Variants in OPCML observed in about 807,000 individuals in gnomAD.
OPCML encodes opioid-binding protein/cell adhesion molecule.
Under a neutral mutation model 37.8 loss-of-function variants are expected in OPCML, and 13 were observed. The observed-to-expected ratio is 0.34, with a 90% CI of 0.22 to 0.55. OPCML has a LOEUF of 0.55. Among genes scored for constraint, OPCML ranks in the 20% least tolerant of loss-of-function variants. OPCML has a pLI of 0.91. For missense variants in OPCML, 341 were observed against 435.6 expected (o/e 0.78, Z 1.93); for synonymous variants, 176 against 168.8 (o/e 1.04, Z -0.33).
intron 1 of OPCML, among the ~76,000 whole-genome samples, chr11:133,218,710 G>A (rs1030343184): frequency 1.3e-5 from 2 of 152,092 alleles, no homozygotes; most frequent in South Asian, 2.1e-4. Context: ...CTGGACACAC[G>A]GTGTGATTAG....
At chr11:132,884,494 T>C (rs931003041) in intron 2 of OPCML, among the ~76,000 whole-genome samples, 2 of 152,216 alleles carry the variant, frequency 1.3e-5, no homozygotes, top group Admixed American at 1.3e-4. Context: ...GTTTCTTTAT[T>C]TGACTAGATC....
chr11:133,353,298 C>T (rs2136696825), intron 1 of OPCML, among the ~76,000 whole-genome samples: 1 of 152,170 alleles, frequency 6.6e-6, no homozygotes, highest in African/African-American at 2.4e-5. Context: ...TCCCAAGTAG[C>T]TGGGACTACA....
At chr11:132,639,560 G>A (rs556158745) in intron 3 of OPCML, among the ~76,000 whole-genome samples, 58 of 152,242 alleles carry the variant, frequency 3.8e-4, no homozygotes, top group African/African-American at 1.2e-3. Context: ...TCCTGAATCC[G>A]AACACAATCC....
intron 1 of OPCML, among the ~76,000 whole-genome samples, chr11:133,042,864 C>G (rs139370192): frequency 3.2e-3 from 484 of 152,154 alleles, no homozygotes; most frequent in African/African-American, 0.011. Flanking sequence ...ACACCCGAGA[C>G]GCCTCCTCTA....
At chr11:133,301,181 A>T (rs1198007584) in intron 1 of OPCML, 1 of 152,190 alleles carries the variant, frequency 6.6e-6, no homozygotes, top group Non-Finnish European at 1.5e-5. Context: ...GTTTGGTGAT[A>T]AACTATATAG....
At chr11:133,440,852 C>A (rs1261092017) in intron 1 of OPCML, among the ~76,000 whole-genome samples, 1 of 144,184 alleles carries the variant, frequency 6.9e-6, no homozygotes, top group Admixed American at 7.0e-5. Flanking sequence ...TATATGATTT[C>A]TATTAGAGCT....
chr11:132,422,511 G>C (rs114206840), intron 7 of OPCML, among the ~76,000 whole-genome samples: 1 of 152,196 alleles, frequency 6.6e-6, no homozygotes, highest in Non-Finnish European at 1.5e-5. Context: ...ATGAAAGGGA[G>C]ACTTAGCAGG....
intron 3 of OPCML, among the ~76,000 whole-genome samples, chr11:132,639,279 T>C (rs1793278): frequency 0.65 from 98,839 of 151,990 alleles, 33,167 homozygotes; most frequent in African/African-American, 0.83. Flanking sequence ...AGAAAACAGG[T>C]TTACTGAGAA....
chr11:133,489,327 T>C (rs1337177881), intron 1 of OPCML, among the ~76,000 whole-genome samples: 5 of 149,760 alleles, frequency 3.3e-5, no homozygotes, highest in Non-Finnish European at 4.4e-5. Context: ...CTGTAAACTA[T>C]GCATCTGACA....
intron 1 of OPCML, among the ~76,000 whole-genome samples, chr11:133,082,768 G>A (rs1425367799): frequency 6.8e-6 from 1 of 146,500 alleles, no homozygotes; most frequent in Non-Finnish European, 1.5e-5. Context: ...GACCCCATGC[G>A]CGGCCTCCCC....
At chr11:132,489,766 G>A (rs959596668) in intron 4 of OPCML, among the ~76,000 whole-genome samples, 3 of 152,102 alleles carry the variant, frequency 2.0e-5, no homozygotes, top group Non-Finnish European at 2.9e-5. Flanking sequence ...GTGGTTTGCT[G>A]CATCCATCCA....
chr11:133,231,628 C>T (rs1009778674), intron 1 of OPCML, among the ~76,000 whole-genome samples: 8 of 152,166 alleles, frequency 5.3e-5, no homozygotes, highest in Non-Finnish European at 1.2e-4. Context: ...TGTTGATGAA[C>T]ACAAGCAGTA....
intron 1 of OPCML, among the ~76,000 whole-genome samples, chr11:133,096,098 A>G (rs1948998301): frequency 6.6e-6 from 1 of 150,856 alleles, no homozygotes; most frequent in Non-Finnish European, 1.5e-5. Context: ...TTTTTTTCAA[A>G]GTTATAATAG....
chr11:133,348,256 C>A (rs1055731251), intron 1 of OPCML, among the ~76,000 whole-genome samples: 1 of 152,144 alleles, frequency 6.6e-6, no homozygotes, highest in African/African-American at 2.4e-5. Context: ...TTCACCAGAG[C>A]CCAGATGCCA....
At chr11:133,237,722 T>C (rs1940574892) in intron 1 of OPCML, among the ~76,000 whole-genome samples, 2 of 152,222 alleles carry the variant, frequency 1.3e-5, no homozygotes, top group South Asian at 4.1e-4. Context: ...TAAAGCCTCC[T>C]GGTCCTGGGC....
intron 1 of OPCML, among the ~76,000 whole-genome samples, chr11:133,431,040 A>C (rs1360225071): frequency 2.0e-5 from 3 of 152,240 alleles, no homozygotes; most frequent in Non-Finnish European, 4.4e-5. Context: ...CACAGAGGCA[A>C]AAAAGCATTT....
Position 132,581,144 on chromosome 11 carries a change from ATGC to A in OPCML, c.380-51961_380-51959del, listed in dbSNP as rs377722842. Among the ~76,000 whole-genome samples the A allele has an allele frequency of 5.1e-4, 77 of 152,270 alleles. No homozygotes were observed. In the Middle Eastern group the frequency reaches 0.014, roughly 27 times the overall value. On this transcript the variant is annotated intron_variant, in intron 3 of 7. Transcript: ENST00000524381. ...GCGTGACTTGCCCCAATTCAGGTAAATGCTGTTCCCCACACCAAGAATTACATG... is the reference window on the plus strand; with the variant it reads ...GCGTGACTTGCCCCAATTCAGGTAAATGTTCCCCACACCAAGAATTACATG...
intron 2 of OPCML, among the ~76,000 whole-genome samples, chr11:132,889,911 C>T (rs1485557272): frequency 1.3e-5 from 2 of 152,156 alleles, no homozygotes; most frequent in Admixed American, 6.5e-5. Flanking sequence ...GTGTGTGTAA[C>T]ACAAGCATAG....
intron 2 of OPCML, among the ~76,000 whole-genome samples, chr11:132,902,796 T>A (rs770126384): frequency 2.6e-5 from 4 of 152,088 alleles, no homozygotes; most frequent in Non-Finnish European, 5.9e-5. Context: ...TCCCTAGGAA[T>A]CTCATCAAAT....
Sources: allele counts gnomAD v4.1 joint callset (sites outside exome capture counted in the v4.1 genomes callset), GRCh38; gene constraint gnomAD v4.1.1; transcripts MANE v1.5; gene names NCBI Gene and HGNC (gene_info 2026-07-23, HGNC 2026-07-21).